TEX9: variants seen among roughly 807,000 people sequenced by gnomAD.
TEX9 encodes testis-expressed protein 9.
A neutral mutation model predicts 59.6 loss-of-function variants in TEX9; 74 were observed. The observed-to-expected ratio is 1.24, with a 90% confidence interval of 1.03 to 1.51. The LOEUF is 1.51. Ranked by LOEUF, TEX9 falls within the 40% of genes most tolerant of loss-of-function variation. The pLI, the probability that TEX9 is intolerant of heterozygous loss-of-function variation, is 0.00. For synonymous variants in TEX9, 186 were observed against 152.2 expected, an observed-to-expected ratio of 1.22 and a Z score of -1.64; for missense variants, 522 against 447.8, an observed-to-expected ratio of 1.17 and a Z score of -1.49.
At chr15:56,388,374 T>A in intron 4 of TEX9, 98 bp from the exon 5 acceptor site, 1 of 941,600 alleles carries the variant, frequency 1.1e-6, no homozygotes, top group Non-Finnish European at 1.6e-6. Context: ...TCTGTTTGAT[T>A]GTTGAATATT....
chr15:56,406,469 T>G (rs1359305757), intron 9 of TEX9, among the ~76,000 whole-genome samples: 3 of 152,064 alleles, frequency 2.0e-5, no homozygotes, highest in Non-Finnish European at 4.4e-5. Context: ...TACTTAGGAG[T>G]GGAATTTGTG....
intron 7 of TEX9, 53 bp from the exon 8 acceptor site, chr15:56,394,112 A>C: frequency 6.7e-7 from 1 of 1,496,620 alleles, no homozygotes; most frequent in Non-Finnish European, 9.2e-7. Flanking sequence ...CTTACAATTG[A>C]TGTCATCTTA....
chr15:56,391,314 C>T (rs2048199021), exon 7 of TEX9: 1 of 1,602,734 alleles, frequency 6.2e-7, no homozygotes, highest in Non-Finnish European at 8.5e-7. Context: ...TCAGACTTTT[C>T]CCTTGCAAAA....
chr15:56,333,429 T>C (rs2713919), intron 1 of TEX9, among the ~76,000 whole-genome samples: 84,608 of 150,056 alleles, frequency 0.56, 24,156 homozygotes, highest in Non-Finnish European at 0.6. Context: ...ATGATAATTT[T>C]AATTGTTGCT....
chr15:56,371,945 C>T (rs895679144), intron 2 of TEX9, among the ~76,000 whole-genome samples: 1 of 152,212 alleles, frequency 6.6e-6, no homozygotes, highest in Non-Finnish European at 1.5e-5. Flanking sequence ...ACATCAGCTT[C>T]TAGCTTTTAA....
intron 12 of TEX9, chr15:56,434,012 T>G: frequency 8.0e-6 from 8 of 996,762 alleles, no homozygotes; most frequent in Non-Finnish European, 1.1e-5. Context: ...AAAATTTATA[T>G]ATATATTAGT....
intron 12 of TEX9, among the ~76,000 whole-genome samples, chr15:56,441,292 C>T (rs2050810009): frequency 6.6e-6 from 1 of 150,952 alleles, no homozygotes; most frequent in South Asian, 2.1e-4. Context: ...TTGAGACTTC[C>T]TTTATGTCCT....
intron 2 of TEX9, among the ~76,000 whole-genome samples, chr15:56,372,626 G>A (rs1203214754): frequency 1.3e-5 from 2 of 152,120 alleles, no homozygotes; most frequent in African/African-American, 4.8e-5. Flanking sequence ...AAGATTACGT[G>A]AAGATAGATA....
At chr15:56,290,797 T>C (rs1402382764) in intron 1 of TEX9, among the ~76,000 whole-genome samples, 9 of 152,050 alleles carry the variant, frequency 5.9e-5, no homozygotes, top group Non-Finnish European at 1.5e-5. Flanking sequence ...TTTTTTTTTT[T>C]TCTTTTTCTC....
intron 3 of TEX9, among the ~76,000 whole-genome samples, chr15:56,379,586 T>G (rs1399490474): frequency 4.6e-5 from 7 of 152,212 alleles, no homozygotes. Flanking sequence ...AGATTAAGTC[T>G]GATGTTTGTT....
chr15:56,303,663 A>C (rs374108764), intron 1 of TEX9, among the ~76,000 whole-genome samples: 1 of 152,266 alleles, frequency 6.6e-6, no homozygotes, highest in East Asian at 1.9e-4. Context: ...ACACAATATG[A>C]GTAGCAGAAA....
intron 12 of TEX9, chr15:56,429,964 T>C (rs917430212): frequency 5.9e-5 from 9 of 152,360 alleles, no homozygotes; most frequent in Middle Eastern, 3.4e-3. Context: ...TAATTACATA[T>C]GGATTTTATC....
intron 10 of TEX9, among the ~76,000 whole-genome samples, chr15:56,416,779 T>C (rs1393138730): frequency 6.6e-6 from 1 of 151,890 alleles, no homozygotes; most frequent in Non-Finnish European, 1.5e-5. Context: ...TCTGTAAGAA[T>C]GGTACCAGCT....
At chr15:56,330,186 T>C (rs1037929874) in intron 1 of TEX9, among the ~76,000 whole-genome samples, 1 of 152,118 alleles carries the variant, frequency 6.6e-6, no homozygotes, top group African/African-American at 2.4e-5. Flanking sequence ...AGTGAAAATA[T>C]ACTTCAAACA....
At chr15:56,442,924 T>A (rs894784678) in intron 12 of TEX9, among the ~76,000 whole-genome samples, 13 of 151,338 alleles carry the variant, frequency 8.6e-5, no homozygotes, top group African/African-American at 3.2e-4. Flanking sequence ...AAAAAAAAAA[T>A]CTTGAACTCT....
chr15:56,348,109 C>T (rs1210145300), intron 1 of TEX9, among the ~76,000 whole-genome samples: 4 of 152,076 alleles, frequency 2.6e-5, no homozygotes, highest in South Asian at 2.1e-4. Context: ...TATAATTTTA[C>T]AAGATACCAC....
At chr15:56,329,028 G>A (rs2046086158) in intron 1 of TEX9, among the ~76,000 whole-genome samples, 1 of 152,140 alleles carries the variant, frequency 6.6e-6, no homozygotes, top group Admixed American at 6.5e-5. Flanking sequence ...CAGTGGTGGT[G>A]GCCTCAGAAG....
At chr15:56,394,571 A>G in intron 8 of TEX9, 90 bp from the exon 9 acceptor site, 1 of 970,424 alleles carries the variant, frequency 1.0e-6, no homozygotes, top group Non-Finnish European at 1.5e-6. Flanking sequence ...TATAAATATC[A>G]AAGAACATAT....
At chr15:56,271,290 A>G (rs2682061) in intron 1 of TEX9, among the ~76,000 whole-genome samples, 148,748 of 152,282 alleles carry the variant, frequency 0.98, 72,750 homozygotes, top group East Asian at 1. Context: ...CGTAGATTTG[A>G]TCTTTTCACA....
Sources: allele counts gnomAD v4.1 joint callset (sites outside exome capture counted in the v4.1 genomes callset), GRCh38; gene constraint gnomAD v4.1.1; transcripts MANE v1.5; gene names NCBI Gene and HGNC (gene_info 2026-07-23, HGNC 2026-07-21).